Variants in SRGAP1 observed in about 807,000 individuals in gnomAD.
SRGAP1 encodes the protein SLIT-ROBO Rho GTPase activating protein 1, also known as SLIT-ROBO Rho GTPase-activating protein 1.
SRGAP1 carries 43 observed loss-of-function variants against 121.9 expected under a neutral mutation model. The ratio of observed to expected loss-of-function variants is 0.35; its 90% CI spans 0.28 to 0.46. The LOEUF (loss-of-function observed/expected upper bound fraction) is 0.46. SRGAP1 is among the 20% of genes least tolerant of loss of function. The probability of loss-of-function intolerance (pLI) is 1.00; values close to 1 mark genes in which losing one functional copy is unlikely to be tolerated. For synonymous variants in SRGAP1, 447 were observed against 485.4 expected, an observed-to-expected ratio of 0.92 and a Z score of 1.04; for missense variants, 1,102 against 1,350.9, an observed-to-expected ratio of 0.82 and a Z score of 2.89.
At chr12:63,968,551 G>A (rs918666861) in intron 1 of SRGAP1, among the ~76,000 whole-genome samples, 1 of 152,174 alleles carries the variant, frequency 6.6e-6, no homozygotes. Context: ...TGGGGGACCT[G>A]TCTTGTCTGT....
chr12:64,000,096 A>G (rs1433719076), intron 3 of SRGAP1, among the ~76,000 whole-genome samples: 2 of 152,088 alleles, frequency 1.3e-5, no homozygotes, highest in Admixed American at 6.6e-5. Context: ...TTATCTCTGT[A>G]AGAGCAGTCT....
At chr12:63,976,956 A>G (rs1264243029) in intron 1 of SRGAP1, among the ~76,000 whole-genome samples, 1 of 152,160 alleles carries the variant, frequency 6.6e-6, no homozygotes, top group Non-Finnish European at 1.5e-5. Context: ...TGTGCAGAGT[A>G]TAAGAGAAGC....
intron 1 of SRGAP1, among the ~76,000 whole-genome samples, chr12:63,906,604 C>T (rs1031428432): frequency 2.6e-5 from 4 of 152,128 alleles, no homozygotes; most frequent in African/African-American, 7.2e-5. Context: ...TGAGCCACCA[C>T]GCCTGGCTGA....
In SRGAP1 at chr12:64,038,321, A is replaced by C; in HGVS notation, c.490-4469A>C. 2.0e-5 allele frequency among the ~76,000 whole-genome samples: 3 copies of C among 152,236 alleles called. No homozygotes were observed. The East Asian group carries it at 5.8e-4, about 29-fold the overall frequency. ...AGATATATATAGTAAATACTCAATA[A>C]AATTTAAATTAAAAAAATACACACA... On this transcript the variant is annotated intron_variant, in intron 4 of 21. Transcript: ENST00000355086.
chr12:63,846,844 C>G (rs1038295239), intron 1 of SRGAP1, among the ~76,000 whole-genome samples: 1 of 152,132 alleles, frequency 6.6e-6, no homozygotes, highest in Non-Finnish European at 1.5e-5. Context: ...AGATCATATA[C>G]GCATTAAATG....
At chr12:64,026,633 G>A (rs1404983902) in intron 4 of SRGAP1, among the ~76,000 whole-genome samples, 4 of 152,096 alleles carry the variant, frequency 2.6e-5, no homozygotes, top group South Asian at 2.1e-4. Context: ...TTTGGAGGCC[G>A]AGGCAGGCAG....
At chr12:64,069,358 G>C (rs1275524966) in intron 8 of SRGAP1, among the ~76,000 whole-genome samples, 1 of 152,200 alleles carries the variant, frequency 6.6e-6, no homozygotes, top group Non-Finnish European at 1.5e-5. Context: ...TACGTGGTTG[G>C]TGAAGATTCA....
At position 64,127,920 on chromosome 12, in the gene SRGAP1, G is replaced by A. The variant is rs776550286; in HGVS notation, c.2600G>A (p.Gly867Asp). The A allele has an allele frequency of 1.2e-6, 2 of 1,614,168 alleles. No homozygotes were observed. Among genetic ancestry groups the A allele is most frequent in the South Asian group, 2.2e-5 (2 of 91,074 alleles). ...AGGCGTCCTGGCAGGACCAGTGATG[G>A]CCATTGCCCGCTCCACCCTCCACAT... is the stretch of plus-strand genomic sequence containing the variant. Reference protein sequence around the residue: ...PVRRPGRTSDGHCPLHPPHAL... With the variant: ...PVRRPGRTSDDHCPLHPPHAL... The change falls in exon 21 of 22, where the codon GGC becomes GAC. Residue 867 changes from glycine (G) to aspartate (D), a missense_variant. By Grantham distance (94) the Gly-to-Asp change is moderately conservative. Around this residue, in one of 3 missense-constraint regions of SRGAP1, gnomAD observed 315 missense variants for 343.1 expected, o/e 0.92. Transcript: ENST00000355086.
intron 8 of SRGAP1, among the ~76,000 whole-genome samples, chr12:64,070,268 A>G (rs1415896777): frequency 3.3e-5 from 5 of 152,070 alleles, no homozygotes. Flanking sequence ...TACAGTTCTC[A>G]TTTCTTCAAG....
chr12:64,126,251 GA>G, intron 19 of SRGAP1, 94 bp downstream of exon 19: 2 of 1,409,376 alleles, frequency 1.4e-6, no homozygotes, highest in Non-Finnish European at 1.9e-6. Flanking sequence ...GAAAGGAGCA[GA>G]AGGGATTACA....
intron 17 of SRGAP1, among the ~76,000 whole-genome samples, chr12:64,115,264 C>CT (rs1266802084): frequency 3.4e-4 from 52 of 152,298 alleles, no homozygotes; most frequent in African/African-American, 1.3e-3. Flanking sequence ...ACTTATAATG[C>CT]TATCCATTTT....
intron 16 of SRGAP1, among the ~76,000 whole-genome samples, chr12:64,111,373 T>C (rs2036427532): frequency 6.6e-6 from 1 of 152,112 alleles, no homozygotes; most frequent in African/African-American, 2.4e-5. Context: ...TATATTTGAG[T>C]GGGGAGAAGA....
intron 1 of SRGAP1, among the ~76,000 whole-genome samples, chr12:63,896,396 A>C (rs1565940726): frequency 6.6e-6 from 1 of 152,178 alleles, no homozygotes; most frequent in Non-Finnish European, 1.5e-5. Context: ...TCTTACCTAT[A>C]GTTGAACAAC....
chr12:63,953,356 C>T (rs2032355891), intron 1 of SRGAP1, among the ~76,000 whole-genome samples: 1 of 150,056 alleles, frequency 6.7e-6, no homozygotes, highest in Non-Finnish European at 1.5e-5. Flanking sequence ...AAGTCTCTGC[C>T]TTATTCTCTT....
chr12:64,114,718 G>A (rs1187295561), intron 17 of SRGAP1, among the ~76,000 whole-genome samples: 1 of 152,128 alleles, frequency 6.6e-6, no homozygotes, highest in Non-Finnish European at 1.5e-5. Context: ...TTATAAAAGA[G>A]CAAGTTTGTA....
intron 3 of SRGAP1, among the ~76,000 whole-genome samples, chr12:64,011,031 GAGA>G (rs1459446773): frequency 3.3e-5 from 5 of 151,942 alleles, no homozygotes; most frequent in African/African-American, 1.2e-4. Flanking sequence ...ACCAGCCAAA[GAGA>G]AGGAGGGAGA....
intron 1 of SRGAP1, among the ~76,000 whole-genome samples, chr12:63,899,466 C>T (rs192418123): frequency 6.6e-6 from 1 of 152,272 alleles, no homozygotes; most frequent in East Asian, 1.9e-4. Context: ...ATTCACCAGT[C>T]GTGCAGCTAC....
At chr12:63,857,616 T>C (rs887873584) in intron 1 of SRGAP1, among the ~76,000 whole-genome samples, 1 of 152,026 alleles carries the variant, frequency 6.6e-6, no homozygotes, top group Non-Finnish European at 1.5e-5. Context: ...ACTCCAGACA[T>C]CAAGTGATCC....
chr12:64,133,240 A>G (rs1038283606), intron 21 of SRGAP1, among the ~76,000 whole-genome samples: 1 of 152,198 alleles, frequency 6.6e-6, no homozygotes, highest in African/African-American at 2.4e-5. Flanking sequence ...AGCCTGCTCT[A>G]ATGGCTTCCA....
Sources: allele counts gnomAD v4.1 joint callset (sites outside exome capture counted in the v4.1 genomes callset), GRCh38; gene constraint gnomAD v4.1.1; regional missense constraint gnomAD v4.1.1; transcripts MANE v1.5; gene names NCBI Gene and HGNC (gene_info 2026-07-23, HGNC 2026-07-21).